The following PRKAR1B variants were observed in gnomAD, a reference collection of about 807,000 sequenced individuals.
The protein encoded by PRKAR1B is protein kinase cAMP-dependent type I regulatory subunit beta, also known as cAMP-dependent protein kinase type I-beta regulatory subunit.
A neutral mutation model predicts 46.5 loss-of-function variants in PRKAR1B; 22 were observed. That is an observed-to-expected ratio of 0.47 (90% CI 0.34 to 0.68). The LOEUF is 0.68. Among genes scored for constraint, PRKAR1B ranks in the 30% least tolerant of loss-of-function variants. PRKAR1B has a pLI of 0.01. For synonymous variants in PRKAR1B, 259 were observed against 217.7 expected, an observed-to-expected ratio of 1.19 and a Z score of -1.67; for missense variants, 445 against 535.6, an observed-to-expected ratio of 0.83 and a Z score of 1.67.
chr7:566,300 CCAT>C (rs905543637), intron 9 of PRKAR1B, among the ~76,000 whole-genome samples: 66 of 150,584 alleles, frequency 4.4e-4, no homozygotes, highest in African/African-American at 7.6e-4. Flanking sequence ...TTCATCATCA[CCAT>C]CATCATCACC....
chr7:621,253 G>C (rs142918683), intron 4 of PRKAR1B, among the ~76,000 whole-genome samples: 283 of 152,306 alleles, frequency 1.9e-3, no homozygotes, highest in African/African-American at 6.5e-3. Context: ...CCATCAGAAA[G>C]AACCCTTTGG....
At chr7:621,663 C>T (rs1020229750) in intron 4 of PRKAR1B, among the ~76,000 whole-genome samples, 6 of 152,228 alleles carry the variant, frequency 3.9e-5, no homozygotes, top group African/African-American at 1.4e-4. Context: ...GATGTCACAG[C>T]AGGTGGGGTC....
chr7:596,262 C>T lies in PRKAR1B; in HGVS notation c.592G>A (p.Gly198Ser). 1 of 1,613,902 alleles carries T rather than the reference C, an allele frequency of 6.2e-7. No homozygotes were observed. Among genetic ancestry groups the T allele is most frequent in the South Asian group, 1.1e-5 (1 of 91,062 alleles). ...ATGAGCGCCAGCTCCCCGAAGCTGC[C>T]TCCCTCGCTGATGTTGGTCACCCAC... ...GEWVTNISEG[G>S]SFGELALIYG... is the part of the protein sequence containing the mutation. The change falls in exon 7 of 11, where the codon GGC becomes AGC. Residue 198 changes from glycine (G) to serine (S), a missense_variant. Gly to Ser is a moderately conservative substitution (Grantham distance 56). Transcript: ENST00000537384.
intron 9 of PRKAR1B, among the ~76,000 whole-genome samples, chr7:551,859 A>ACG: frequency 1.0e-5 from 1 of 97,852 alleles, no homozygotes; most frequent in Non-Finnish European, 2.0e-5. Flanking sequence ...TGCCACCACC[A>ACG]TGTAACCACC....
intron 7 of PRKAR1B, among the ~76,000 whole-genome samples, chr7:590,866 G>C (rs1780931371): frequency 6.6e-6 from 1 of 152,138 alleles, no homozygotes; most frequent in Non-Finnish European, 1.5e-5. Flanking sequence ...GATCTTTTCA[G>C]AAACGCCGAG....
intron 4 of PRKAR1B, among the ~76,000 whole-genome samples, chr7:634,476 T>C (rs1020422524): frequency 6.6e-6 from 1 of 151,586 alleles, no homozygotes; most frequent in Non-Finnish European, 1.5e-5. Context: ...AGACCCTGTC[T>C]CCAAAAAAAA....
chr7:588,747 ATGG>A (rs1447829559), intron 7 of PRKAR1B, among the ~76,000 whole-genome samples: 40 of 5,936 alleles, frequency 6.7e-3, no homozygotes, highest in African/African-American at 0.014. Context: ...GACAGTGGTG[ATGG>A]TGATGGTGAT....
At position 553,589 on chromosome 7, in the gene PRKAR1B, C is replaced by T. The variant is rs140979287; in HGVS notation, c.892-2119G>A. ...CCACAGCCCCAGCCGGCCTGGCAGA[C>T]GGCGGCCCTCTGAGAGCAGCTGCTC... On this transcript the variant is annotated intron_variant, in intron 9 of 10. Coordinates refer to ENST00000537384, the MANE Select transcript of PRKAR1B (RefSeq NM_001164760.2). Among the ~76,000 whole-genome samples the T allele has an allele frequency of 0.015, 2,256 of 152,310 alleles. 75 individuals are homozygous for T. The East Asian group carries it at 0.15, about 10-fold the overall frequency.
At chr7:715,988 T>TG (rs1301734320) in intron 1 of PRKAR1B, among the ~76,000 whole-genome samples, 6 of 152,128 alleles carry the variant, frequency 3.9e-5, no homozygotes, top group Non-Finnish European at 8.8e-5. Flanking sequence ...GTGCTGGGAT[T>TG]ACAGGCGTGA....
intron 9 of PRKAR1B, among the ~76,000 whole-genome samples, chr7:564,482 C>A (rs1420638510): frequency 6.6e-6 from 1 of 152,218 alleles, no homozygotes; most frequent in Non-Finnish European, 1.5e-5. Context: ...CGGAGCTTTG[C>A]ACTGCCTTCC....
chr7:713,304 G>C (rs1780753642), intron 1 of PRKAR1B: 1 of 154,470 alleles, frequency 6.5e-6, no homozygotes, highest in African/African-American at 2.5e-5. Context: ...ACACTCACCT[G>C]TCTACCCCCG....
intron 9 of PRKAR1B, among the ~76,000 whole-genome samples, chr7:569,594 T>A (rs1363015690): frequency 6.6e-6 from 1 of 152,154 alleles, no homozygotes; most frequent in Admixed American, 6.5e-5. Context: ...ATGACGAGGC[T>A]GCCCTGCAAC....
intron 6 of PRKAR1B, among the ~76,000 whole-genome samples, chr7:599,885 T>C (rs1781494993): frequency 1.4e-5 from 2 of 138,004 alleles, no homozygotes; most frequent in African/African-American, 5.5e-5. Flanking sequence ...AGGCCCCCCA[T>C]TCACCTTCAC....
chr7:616,031 CAGCTGA>C (rs1363509612), intron 4 of PRKAR1B, among the ~76,000 whole-genome samples: 3 of 115,894 alleles, frequency 2.6e-5, no homozygotes, highest in East Asian at 6.0e-4. Context: ...AGAGAGAAAG[CAGCTGA>C]GGCTGAGGCT....
chr7:672,188 T>C (rs899627004), intron 4 of PRKAR1B, among the ~76,000 whole-genome samples: 1 of 152,062 alleles, frequency 6.6e-6, no homozygotes, highest in South Asian at 2.1e-4. Flanking sequence ...TCTCGCTCTG[T>C]CGCCCAGGCT....
chr7:681,484 C>A (rs1317665287), intron 2 of PRKAR1B, among the ~76,000 whole-genome samples: 2 of 152,140 alleles, frequency 1.3e-5, no homozygotes, highest in Non-Finnish European at 2.9e-5. Context: ...TGCACATCCA[C>A]AATTATCTCA....
At position 644,233 on chromosome 7, in the gene PRKAR1B, G is replaced by C. The variant is rs1287178208; in HGVS notation, c.440+32996C>G. The stretch of plus-strand genomic sequence containing the variant: ...CGTCAGGATGAACCCTCATATTATA[G>C]AATGACTCCCCTGTTCAAGGCATCG... On this transcript the variant is annotated intron_variant, in intron 4 of 10. Transcript: ENST00000537384. This position sits in a 1 kb window ranked among gnomAD's most constrained non-coding sequence, Gnocchi z 4.9. Among the ~76,000 whole-genome samples the C allele has an allele frequency of 6.6e-6, 1 of 152,112 alleles. No homozygotes were observed. Among genetic ancestry groups the C allele is most frequent in the Non-Finnish European group, 1.5e-5 (1 of 68,024 alleles).
intron 2 of PRKAR1B, among the ~76,000 whole-genome samples, chr7:683,117 T>C (rs1291660727): frequency 1.3e-5 from 2 of 152,166 alleles, no homozygotes; most frequent in Non-Finnish European, 2.9e-5. Flanking sequence ...TCCCTACCAA[T>C]GCCTTCTGAC....
chr7:597,930 C>T (rs1420910446), intron 6 of PRKAR1B, among the ~76,000 whole-genome samples: 1 of 152,222 alleles, frequency 6.6e-6, no homozygotes, highest in Non-Finnish European at 1.5e-5. Context: ...AGTTTCACAT[C>T]GCTCAGATCG....
Sources: allele counts gnomAD v4.1 joint callset (sites outside exome capture counted in the v4.1 genomes callset), GRCh38; gene constraint gnomAD v4.1.1; non-coding constraint Gnocchi (gnomAD v3.1); transcripts MANE v1.5; gene names NCBI Gene and HGNC (gene_info 2026-07-23, HGNC 2026-07-21).